CEP83: variants seen among roughly 807,000 people sequenced by gnomAD.
CEP83 encodes centrosomal protein 83.
A neutral mutation model predicts 101.9 loss-of-function variants in CEP83; 70 were observed. The ratio of observed to expected loss-of-function variants is 0.69; its 90% CI spans 0.57 to 0.84. The LOEUF (loss-of-function observed/expected upper bound fraction) is 0.84, where lower values mean the gene tolerates loss of function less well. Among genes scored for constraint, CEP83 ranks in the 40% least tolerant of loss-of-function variants. CEP83 has a pLI of 0.00. For missense variants in CEP83, 715 were observed against 787.2 expected (o/e 0.91, Z 1.10); for synonymous variants, 264 against 267.9 (o/e 0.99, Z 0.14).
chr12:94,287,729 C>T, the CEP83 span, among the ~76,000 whole-genome samples: 12 of 152,198 alleles, frequency 7.9e-5, no homozygotes, highest in African/African-American at 2.7e-4. Context: ...GTCAGCAATG[C>T]TTCTGGTCAA....
intron 11 of CEP83, among the ~76,000 whole-genome samples, chr12:94,367,442 T>C (rs2061077426): frequency 6.6e-6 from 1 of 152,036 alleles, no homozygotes; most frequent in African/African-American, 2.4e-5. Flanking sequence ...TGAGAGAGGA[T>C]ATACAAAATA....
chr12:94,283,203 G>T, the CEP83 span, among the ~76,000 whole-genome samples: 1 of 152,210 alleles, frequency 6.6e-6, no homozygotes, highest in South Asian at 2.1e-4. Context: ...GTGTAGTAGT[G>T]CTGTGTGGCT....
intron 2 of CEP83, among the ~76,000 whole-genome samples, chr12:94,418,238 T>C (rs576643941): frequency 1.3e-5 from 2 of 152,022 alleles, no homozygotes; most frequent in African/African-American, 4.8e-5. Flanking sequence ...GGCATGCGCC[T>C]GTAGTCCAGC....
chr12:94,323,671 C>A (rs1026029827), intron 14 of CEP83, among the ~76,000 whole-genome samples: 3 of 152,144 alleles, frequency 2.0e-5, no homozygotes, highest in Non-Finnish European at 2.9e-5. Flanking sequence ...ACCAGCCTCC[C>A]CCTCCATTTC....
At chr12:94,323,674 T>G (rs879217353) in intron 14 of CEP83, among the ~76,000 whole-genome samples, 3 of 152,134 alleles carry the variant, frequency 2.0e-5, no homozygotes, top group Admixed American at 2.0e-4. Context: ...AGCCTCCCCC[T>G]CCATTTCTTT....
At chr12:94,287,436 C>T in the CEP83 span, among the ~76,000 whole-genome samples, 1 of 152,178 alleles carries the variant, frequency 6.6e-6, no homozygotes, top group Non-Finnish European at 1.5e-5. Flanking sequence ...CAGCCTTCTT[C>T]CTCTCACTCG....
intron 6 of CEP83, among the ~76,000 whole-genome samples, chr12:94,383,195 G>C (rs1306619731): frequency 6.6e-6 from 1 of 151,866 alleles, no homozygotes; most frequent in Non-Finnish European, 1.5e-5. Flanking sequence ...TGATGCTCCT[G>C]CTTTTAATTA....
chr12:94,395,647 C>A (rs1157669004), intron 6 of CEP83, among the ~76,000 whole-genome samples: 2 of 152,222 alleles, frequency 1.3e-5, no homozygotes, highest in South Asian at 2.1e-4. Flanking sequence ...CACAGTGAAA[C>A]CCCGTCTCTA....
chr12:94,387,628 T>C (rs1345893453), intron 6 of CEP83, among the ~76,000 whole-genome samples: 1 of 152,138 alleles, frequency 6.6e-6, no homozygotes, highest in South Asian at 2.1e-4. Context: ...AAAGAAACTA[T>C]CAACAGAGTA....
chr12:94,452,450 G>A (rs1457740159), intron 1 of CEP83, among the ~76,000 whole-genome samples: 1 of 152,082 alleles, frequency 6.6e-6, no homozygotes, highest in Non-Finnish European at 1.5e-5. Flanking sequence ...GAGTTCAAAG[G>A]ATGACCAAGC....
intron 11 of CEP83, among the ~76,000 whole-genome samples, chr12:94,349,285 CAAAAA>C (rs567484415): frequency 1.4e-5 from 1 of 73,466 alleles, no homozygotes; most frequent in Non-Finnish European, 3.2e-5. Flanking sequence ...GACTCTGTCT[CAAAAA>C]AAAAAAAAAA....
intron 6 of CEP83, among the ~76,000 whole-genome samples, chr12:94,382,894 G>A (rs923293345): frequency 6.6e-6 from 1 of 151,910 alleles, no homozygotes; most frequent in African/African-American, 2.4e-5. Flanking sequence ...GATGGTTGAT[G>A]GTGTTATTGC....
intron 11 of CEP83, among the ~76,000 whole-genome samples, chr12:94,340,814 A>G (rs888741533): frequency 6.6e-6 from 1 of 152,256 alleles, no homozygotes; most frequent in African/African-American, 2.4e-5. Context: ...TCCCAGCATC[A>G]CAGAGATAGG....
the CEP83 span, among the ~76,000 whole-genome samples, chr12:94,276,613 C>T: frequency 6.6e-6 from 1 of 152,194 alleles, no homozygotes; most frequent in Non-Finnish European, 1.5e-5. Flanking sequence ...AGTTACTCAG[C>T]CCCTCTGTGC....
At chr12:94,415,630 T>A (rs925909202) in intron 2 of CEP83, among the ~76,000 whole-genome samples, 2 of 151,920 alleles carry the variant, frequency 1.3e-5, no homozygotes, top group African/African-American at 4.8e-5. Context: ...ATGATAAAGG[T>A]TAAATACACC....
At chr12:94,451,467 CAA>C (rs34200750) in intron 1 of CEP83, among the ~76,000 whole-genome samples, 221 of 102,630 alleles carry the variant, frequency 2.2e-3, no homozygotes, top group South Asian at 9.6e-3. Context: ...TCAGTAAGAC[CAA>C]AAAAAAAAAA....
At chr12:94,297,664 C>T in the CEP83 span, among the ~76,000 whole-genome samples, 1 of 152,172 alleles carries the variant, frequency 6.6e-6, no homozygotes. Flanking sequence ...ATATTGTTCC[C>T]AGTCTCTTTC....
the CEP83 span, among the ~76,000 whole-genome samples, chr12:94,287,000 G>A: frequency 2.0e-5 from 3 of 152,270 alleles, no homozygotes; most frequent in East Asian, 5.8e-4. Flanking sequence ...TGACACCCTT[G>A]GCAACCCCCA....
chr12:94,266,847 CCAGATCT>C, the CEP83 span, among the ~76,000 whole-genome samples: 1 of 152,226 alleles, frequency 6.6e-6, no homozygotes, highest in Non-Finnish European at 1.5e-5. Flanking sequence ...TCCATTTGAT[CCAGATCT>C]CATTGAACCC....
Sources: gnomAD v4.1 joint callset for allele counts (sites outside exome capture counted in the v4.1 genomes callset) on GRCh38, gnomAD v4.1.1 for gene constraint, MANE v1.5 for transcripts, NCBI Gene and HGNC (gene_info 2026-07-23, HGNC 2026-07-21) for gene names.